Variants in SIL1 observed in about 807,000 individuals in gnomAD.
The protein encoded by SIL1 is nucleotide exchange factor SIL1.
In SIL1, 40 loss-of-function variants were observed where a neutral mutation model predicts 49.1. That is an observed-to-expected ratio of 0.81 (90% CI 0.63 to 1.06). SIL1 has a LOEUF of 1.06. SIL1 is among the 50% of genes least tolerant of loss of function. SIL1 has a pLI of 0.00. For synonymous variants in SIL1, 253 were observed against 250.8 expected, an observed-to-expected ratio of 1.01 and a Z score of -0.08; for missense variants, 500 against 572.6, an observed-to-expected ratio of 0.87 and a Z score of 1.29.
intron 1 of SIL1, among the ~76,000 whole-genome samples, chr5:139,139,323 AG>A (rs1751036838): frequency 6.6e-6 from 1 of 152,204 alleles, no homozygotes; most frequent in African/African-American, 2.4e-5. Context: ...CGAGGGGAGG[AG>A]AGATCAGAAT....
chr5:139,023,484 G>A (rs755517913), intron 6 of SIL1, among the ~76,000 whole-genome samples: 7 of 152,382 alleles, frequency 4.6e-5, no homozygotes, highest in East Asian at 1.9e-4. Context: ...GAGGAGACAC[G>A]TGGGAGAAGG....
chr5:139,113,966 A>G (rs1459054342), intron 3 of SIL1, among the ~76,000 whole-genome samples: 1 of 152,244 alleles, frequency 6.6e-6, no homozygotes, highest in East Asian at 1.9e-4. Context: ...CTCAGAGAGA[A>G]CAGGTGGATA....
At chr5:139,120,455 TAGTAC>T (rs1198745979) in intron 3 of SIL1, among the ~76,000 whole-genome samples, 1 of 152,190 alleles carries the variant, frequency 6.6e-6, no homozygotes, top group African/African-American at 2.4e-5. Flanking sequence ...ACGAAGCACC[TAGTAC>T]AGTACCTGAA....
At chr5:139,079,309 C>T (rs938856924) in intron 3 of SIL1, among the ~76,000 whole-genome samples, 11 of 152,178 alleles carry the variant, frequency 7.2e-5, no homozygotes, top group Non-Finnish European at 1.2e-4. Context: ...AGACCCTGAG[C>T]CAAGGAGTAA....
intron 3 of SIL1, among the ~76,000 whole-genome samples, chr5:139,095,681 GAGCCATTGTGGTGGC>G (rs1770446337): frequency 6.6e-6 from 1 of 152,138 alleles, no homozygotes; most frequent in African/African-American, 2.4e-5. Flanking sequence ...ATACAAAAAT[GAGCCATTGTGGTGGC>G]ACACACCTGT....
At chr5:139,149,045 G>A (rs942145179) in intron 1 of SIL1, among the ~76,000 whole-genome samples, 14 of 151,988 alleles carry the variant, frequency 9.2e-5, no homozygotes, top group South Asian at 2.1e-4. Flanking sequence ...AACCACTCCC[G>A]TTAACAACTA....
intron 7 of SIL1, among the ~76,000 whole-genome samples, chr5:139,005,149 T>C (rs756669230): frequency 1.3e-5 from 2 of 152,154 alleles, no homozygotes; most frequent in African/African-American, 2.4e-5. Context: ...ACCACAAAAA[T>C]GATAACTTAT....
At chr5:138,956,027 G>C (rs545190087) in intron 7 of SIL1, among the ~76,000 whole-genome samples, 2 of 152,236 alleles carry the variant, frequency 1.3e-5, no homozygotes, top group Non-Finnish European at 2.9e-5. Context: ...TTCTGTGATT[G>C]AGACTGCCAG....
At chr5:139,138,080 T>C (rs1209738637) in intron 1 of SIL1, among the ~76,000 whole-genome samples, 3 of 151,690 alleles carry the variant, frequency 2.0e-5, no homozygotes, top group Non-Finnish European at 2.9e-5. Context: ...TTCCTAGCTA[T>C]ACACGAAGCA....
intron 1 of SIL1, among the ~76,000 whole-genome samples, chr5:139,144,188 GT>G (rs1174095789): frequency 1.3e-5 from 2 of 152,204 alleles, no homozygotes; most frequent in Non-Finnish European, 2.9e-5. Context: ...GCTGGGCACA[GT>G]GATTCATGCC....
chr5:139,194,603 G>C, intron 1 of SIL1, among the ~76,000 whole-genome samples: 1 of 152,184 alleles, frequency 6.6e-6, no homozygotes, highest in Non-Finnish European at 1.5e-5. Context: ...CCACAGGATG[G>C]GTCTCCAAAT....
At chr5:138,962,895 G>A (rs887043480) in intron 7 of SIL1, among the ~76,000 whole-genome samples, 46 of 152,208 alleles carry the variant, frequency 3.0e-4, no homozygotes, top group African/African-American at 1.1e-3. Flanking sequence ...TAGGGAACAT[G>A]GAAGAAAGCG....
intron 1 of SIL1, among the ~76,000 whole-genome samples, chr5:139,192,735 A>T (rs1338203099): frequency 1.3e-5 from 2 of 151,974 alleles, no homozygotes; most frequent in Admixed American, 1.3e-4. Flanking sequence ...GGTGGTTCAC[A>T]CTTAATAATC....
chr5:139,164,755 G>A (rs1206541860), intron 1 of SIL1, among the ~76,000 whole-genome samples: 1 of 152,144 alleles, frequency 6.6e-6, no homozygotes, highest in Non-Finnish European at 1.5e-5. Flanking sequence ...GTGGGAAGAT[G>A]GTAGAGTAGA....
intron 7 of SIL1, among the ~76,000 whole-genome samples, chr5:138,980,826 T>C (rs1431312098): frequency 1.3e-5 from 2 of 152,110 alleles, no homozygotes; most frequent in Admixed American, 1.3e-4. Flanking sequence ...GCAGAGTCCC[T>C]CTCCTGTGCT....
chr5:138,953,587 A>T (rs1440954264), intron 7 of SIL1, among the ~76,000 whole-genome samples: 2 of 152,348 alleles, frequency 1.3e-5, no homozygotes, highest in Middle Eastern at 3.4e-3. Context: ...AGCAGCCTGG[A>T]GATGGGCCAG....
At chr5:138,976,153 T>C (rs1384184148) in intron 7 of SIL1, among the ~76,000 whole-genome samples, 2 of 152,266 alleles carry the variant, frequency 1.3e-5, no homozygotes, top group South Asian at 2.1e-4. Context: ...GGCCCAGATA[T>C]TCCAGCCCTC....
At chr5:139,019,963 T>A (rs1434033621) in intron 7 of SIL1, among the ~76,000 whole-genome samples, 1 of 152,192 alleles carries the variant, frequency 6.6e-6, no homozygotes, top group Non-Finnish European at 1.5e-5. Flanking sequence ...TTCCTGGACT[T>A]CCTCATGACT....
At chr5:139,169,353 C>T (rs542767932) in intron 1 of SIL1, among the ~76,000 whole-genome samples, 1 of 152,268 alleles carries the variant, frequency 6.6e-6, no homozygotes, top group Non-Finnish European at 1.5e-5. Flanking sequence ...GGCAAAAGAT[C>T]TGCTTTCCAG....
Sources: gnomAD v4.1 joint callset for allele counts (sites outside exome capture counted in the v4.1 genomes callset) on GRCh38, gnomAD v4.1.1 for gene constraint, MANE v1.5 for transcripts, NCBI Gene and HGNC (gene_info 2026-07-23, HGNC 2026-07-21) for gene names.